Variants in LCP1 observed in about 807,000 individuals in gnomAD.
The protein encoded by LCP1 is lymphocyte cytosolic protein 1.
LCP1 carries 23 observed loss-of-function variants against 72.0 expected under a neutral mutation model. That is an observed-to-expected ratio of 0.32 (90% CI 0.23 to 0.45). LCP1 has a LOEUF of 0.45. Ranked by LOEUF, LCP1 falls within the 20% of genes least tolerant of loss-of-function variation. The pLI is 1.00. For missense variants in LCP1, 571 were observed against 748.3 expected (o/e 0.76, Z 2.76); for synonymous variants, 245 against 275.4 (o/e 0.89, Z 1.09).
chr13:46,181,279 T>A (rs2045954303), intron 1 of LCP1, among the ~76,000 whole-genome samples: 1 of 152,260 alleles, frequency 6.6e-6, no homozygotes. Context: ...ATAGTGGTAA[T>A]TAAGTAAAAG....
At chr13:46,158,733 A>T in intron 3 of LCP1, 82 bp from the exon 4 acceptor site, 1 of 1,602,278 alleles carries the variant, frequency 6.2e-7, no homozygotes, top group Non-Finnish European at 8.5e-7. Context: ...TGTCGAAGCA[A>T]GGAGGTAAGG....
intron 1 of LCP1, among the ~76,000 whole-genome samples, chr13:46,168,093 A>C (rs571786739): frequency 6.6e-6 from 1 of 152,220 alleles, no homozygotes; most frequent in South Asian, 2.1e-4. Flanking sequence ...ATCTCCAAAG[A>C]AATCAAAATG....
At chr13:46,145,627 A>AAACG (rs774045993) in intron 10 of LCP1, among the ~76,000 whole-genome samples, 4 of 135,188 alleles carry the variant, frequency 3.0e-5, no homozygotes, top group African/African-American at 1.2e-4. Flanking sequence ...AAAAGAGGGC[A>AAACG]GGCCGGGCGC....
In LCP1 at chr13:46,130,816, T is replaced by C. The variant is rs140415542; in HGVS notation, c.1749A>G (p.Ala583=). The C allele has an allele frequency of 1.1e-4, 181 of 1,612,828 alleles. 2 individuals are homozygous for C. The East Asian group carries it at 4.0e-3, about 36-fold the overall frequency. The change falls in exon 15 of 16, where the codon GCA becomes GCG. Residue 583 remains alanine (A), a splice_region_variant and synonymous_variant. Transcript: ENST00000323076. ...GAGGTTTATTTTTATTTACGTACTT[T>C]GCATTGTTGAGTTTCTCATCATCAT... is the stretch of plus-strand genomic sequence containing the variant. ...NLNDDEKLNN[A]KYAISMARKI...
intron 1 of LCP1, among the ~76,000 whole-genome samples, chr13:46,173,177 T>A (rs2045912636): frequency 6.6e-6 from 1 of 152,244 alleles, no homozygotes; most frequent in Non-Finnish European, 1.5e-5. Context: ...ATATTGTTTT[T>A]AAAATGAATC....
At chr13:46,135,470 G>C (rs1228071409) in intron 13 of LCP1, among the ~76,000 whole-genome samples, 2 of 152,180 alleles carry the variant, frequency 1.3e-5, no homozygotes, top group African/African-American at 4.8e-5. Context: ...CCTATGGACA[G>C]TACAGTTCTC....
chr13:46,174,846 A>G (rs1285001768), intron 1 of LCP1, among the ~76,000 whole-genome samples: 3 of 144,204 alleles, frequency 2.1e-5, no homozygotes, highest in African/African-American at 7.4e-5. Context: ...AAAAAAAAAA[A>G]AAAAAGAAAA....
intron 15 of LCP1, among the ~76,000 whole-genome samples, chr13:46,129,675 A>G (rs540374976): frequency 2.4e-4 from 36 of 152,234 alleles, no homozygotes; most frequent in African/African-American, 8.4e-4. Flanking sequence ...AACAGAGAGA[A>G]GGGCTCTGTT....
intron 15 of LCP1, 103 bp downstream of exon 15, chr13:46,130,711 A>G: frequency 7.2e-7 from 1 of 1,382,276 alleles, no homozygotes; most frequent in Non-Finnish European, 1.0e-6. Flanking sequence ...CGGATAGTGA[A>G]AATGAAATGT....
At position 46,146,919 on chromosome 13, in the gene LCP1, C is replaced by T. The variant is rs780163272; in HGVS notation, c.1163G>A (p.Gly388Glu). The change falls in exon 10 of 16, where the codon GGG becomes GAG. Residue 388 changes from glycine to glutamate, a missense_variant. By Grantham distance (98) the Gly-to-Glu change is moderately conservative. Coordinates refer to ENST00000323076, the MANE Select transcript of LCP1 (RefSeq NM_002298.5). ...TCGTTTACAGTTACCTTCAAGAGCC[C>T]CCCAGTCAATGTCCTGGTTCTCTGG... ...HKPENQDIDW[G>E]ALEGETREER... 8.1e-6 allele frequency: 13 copies of T among 1,613,992 alleles called. No individual in the cohort carries two copies. The South Asian group carries it at 1.3e-4, about 16-fold the overall frequency.
At chr13:46,162,759 C>T (rs2045849455) in intron 1 of LCP1, among the ~76,000 whole-genome samples, 1 of 152,160 alleles carries the variant, frequency 6.6e-6, no homozygotes, top group African/African-American at 2.4e-5. Context: ...GCCTGGCCGC[C>T]CATCGTCTGA....
Position 46,147,102 on chromosome 13 carries a change from T to C in LCP1, c.980A>G (p.Glu327Gly), listed in dbSNP as rs773409103. ...AVVIDMSGLR[E>G]KDDIQRAECM... Reference sequence around the variant, plus strand: ...TTCTGCCCTCTGGATGTCATCCTTCTCCTGCAATGCAAAAGGATGTCTCAG... The same window carrying C: ...TTCTGCCCTCTGGATGTCATCCTTCCCCTGCAATGCAAAAGGATGTCTCAG... Residue 327 changes from glutamate (E) to glycine (G), a missense_variant and splice_region_variant, in exon 10 of 16, where the codon GAG becomes GGG. Glu to Gly is a moderately conservative substitution (Grantham distance 98). Transcript: ENST00000323076. The C allele has an allele frequency of 2.8e-5, 44 of 1,578,006 alleles. No homozygotes were observed. The highest frequency in any genetic ancestry group is 1.3e-5 in the Non-Finnish European group (15 of 1,164,540).
chr13:46,174,918 A>G (rs1389914160), intron 1 of LCP1, among the ~76,000 whole-genome samples: 2 of 152,160 alleles, frequency 1.3e-5, no homozygotes, highest in African/African-American at 4.8e-5. Context: ...AAAAAAGTAT[A>G]TAGACATATT....
chr13:46,171,353 G>A (rs1296797725), intron 1 of LCP1, among the ~76,000 whole-genome samples: 3 of 152,166 alleles, frequency 2.0e-5, no homozygotes, highest in African/African-American at 7.2e-5. Context: ...GAAGGTCAAA[G>A]CTCTGACCTC....
chr13:46,163,297 ATTC>A (rs1427650519), intron 1 of LCP1, among the ~76,000 whole-genome samples: 1 of 152,246 alleles, frequency 6.6e-6, no homozygotes, highest in African/African-American at 2.4e-5. Flanking sequence ...ATTAAGAAAA[ATTC>A]TTCTGCCTTG....
chr13:46,150,860 T>A, intron 8 of LCP1, 76 bp downstream of exon 8: 2 of 1,501,542 alleles, frequency 1.3e-6, no homozygotes, highest in Admixed American at 3.9e-5. Context: ...GCCCCAAATC[T>A]TTATCTTTTC....
intron 1 of LCP1, among the ~76,000 whole-genome samples, chr13:46,175,150 A>G (rs371059396): frequency 2.0e-5 from 3 of 152,314 alleles, no homozygotes; most frequent in East Asian, 3.9e-4. Flanking sequence ...AACTTTACCT[A>G]GCTATGTATG....
intron 11 of LCP1, 54 bp downstream of exon 11, chr13:46,144,388 T>C: frequency 1.5e-6 from 2 of 1,315,940 alleles, no homozygotes; most frequent in Non-Finnish European, 2.2e-6. Context: ...TGGAATCCTA[T>C]GGCTCTTTTG....
intron 7 of LCP1, 30 bp downstream of exon 7, chr13:46,152,750 T>G: frequency 6.2e-7 from 1 of 1,600,702 alleles, no homozygotes; most frequent in Non-Finnish European, 8.5e-7. Flanking sequence ...GAAAGCTGTG[T>G]CATAAATGAC....
Sources: gnomAD v4.1 joint callset for allele counts (sites outside exome capture counted in the v4.1 genomes callset) on GRCh38, gnomAD v4.1.1 for gene constraint, MANE v1.5 for transcripts, NCBI Gene and HGNC (gene_info 2026-07-23, HGNC 2026-07-21) for gene names.